CTNNA3: variants seen among roughly 807,000 people sequenced by gnomAD.
CTNNA3 encodes catenin alpha 3, also known as catenin alpha-3.
Under a neutral mutation model 95.7 loss-of-function variants are expected in CTNNA3, and 76 were observed. That is an observed-to-expected ratio of 0.79 (90% confidence interval 0.66 to 0.96). The LOEUF (loss-of-function observed/expected upper bound fraction) is 0.96, where lower values mean the gene tolerates loss of function less well. CTNNA3 is among the 40% of genes least tolerant of loss of function. The probability of loss-of-function intolerance (pLI) is 0.00; values close to 1 mark genes in which losing one functional copy is unlikely to be tolerated. For missense variants in CTNNA3, 1,191 were observed against 1,089.8 expected, an observed-to-expected ratio of 1.09 and a Z score of -1.31; for synonymous variants, 431 against 374.4, an observed-to-expected ratio of 1.15 and a Z score of -1.74.
intron 15 of CTNNA3, among the ~76,000 whole-genome samples, chr10:65,991,568 T>A (rs1312826697): frequency 6.6e-6 from 1 of 151,992 alleles, no homozygotes; most frequent in Non-Finnish European, 1.5e-5. Context: ...TTCAGACTGG[T>A]GTATAAAATG....
chr10:66,299,779 G>T (rs2091834170), intron 12 of CTNNA3, among the ~76,000 whole-genome samples: 1 of 152,114 alleles, frequency 6.6e-6, no homozygotes, highest in South Asian at 2.1e-4. Context: ...AAATCAGATT[G>T]AATATATGCT....
intron 7 of CTNNA3, among the ~76,000 whole-genome samples, chr10:67,142,660 GCAGTGGCTCACACCTGTAAT>G (rs1482071724): frequency 1.3e-5 from 2 of 152,164 alleles, no homozygotes; most frequent in Non-Finnish European, 2.9e-5. Flanking sequence ...AAGGCTGGGC[GCAGTGGCTCACACCTGTAAT>G]CCCAGCACTT....
chr10:66,533,512 A>G (rs150922132), intron 10 of CTNNA3, among the ~76,000 whole-genome samples: 81 of 152,202 alleles, frequency 5.3e-4, no homozygotes, highest in African/African-American at 1.9e-3. Flanking sequence ...TCTTCTCATT[A>G]ACGAGATGTT....
chr10:66,160,069 C>G (rs2084762582), intron 13 of CTNNA3, among the ~76,000 whole-genome samples: 1 of 151,942 alleles, frequency 6.6e-6, no homozygotes, highest in Non-Finnish European at 1.5e-5. Flanking sequence ...TTTCTGTCTT[C>G]TTTTCTTGGT....
At chr10:66,360,790 TTCCTTCCTTC>T (rs2092661589) in intron 12 of CTNNA3, among the ~76,000 whole-genome samples, 2 of 64,572 alleles carry the variant, frequency 3.1e-5, no homozygotes, top group African/African-American at 6.7e-5. Flanking sequence ...TCTTTCTTCC[TTCCTTCCTTC>T]CTTCCTTCCT....
At chr10:66,574,222 T>C (rs1021826122) in intron 10 of CTNNA3, among the ~76,000 whole-genome samples, 1 of 151,824 alleles carries the variant, frequency 6.6e-6, no homozygotes, top group East Asian at 1.9e-4. Flanking sequence ...CGGGGTGCAG[T>C]GGAGGCAGGG....
chr10:66,867,419 T>C lies in CTNNA3; in HGVS notation c.1048-91895A>G, dbSNP rs192603100. Among the ~76,000 whole-genome samples the C allele has an allele frequency of 6.6e-5, 10 of 152,238 alleles. No individual in the cohort carries two copies. The East Asian group carries it at 1.7e-3, about 26-fold the overall frequency. On this transcript the variant is annotated intron_variant, in intron 7 of 17. Transcript: ENST00000433211. The stretch of plus-strand genomic sequence containing the variant: ...CAAGGTTGAAGCTCTTAATTGCATA[T>C]TGTCCTCACATTTGCAAATGGGAAA...
intron 7 of CTNNA3, among the ~76,000 whole-genome samples, chr10:66,859,420 T>C (rs4746642): frequency 0.58 from 87,307 of 150,100 alleles, 26,496 homozygotes; most frequent in African/African-American, 0.64. Context: ...AAAAAATGCT[T>C]ACCATCACTG....
At chr10:66,983,719 A>G (rs1243611719) in intron 7 of CTNNA3, among the ~76,000 whole-genome samples, 3 of 152,220 alleles carry the variant, frequency 2.0e-5, no homozygotes, top group Admixed American at 6.5e-5. Context: ...CTCCACAGCA[A>G]AATAAATTAT....
intron 5 of CTNNA3, among the ~76,000 whole-genome samples, chr10:67,520,175 CAT>C (rs1400501717): frequency 6.6e-6 from 1 of 152,138 alleles, no homozygotes; most frequent in Non-Finnish European, 1.5e-5. Flanking sequence ...TACCATGTGC[CAT>C]ATGCTTTTCA....
intron 6 of CTNNA3, among the ~76,000 whole-genome samples, chr10:67,185,972 G>C (rs1244113135): frequency 6.9e-6 from 1 of 145,654 alleles, no homozygotes; most frequent in East Asian, 2.0e-4. Context: ...GTTGCAGTGA[G>C]CCGAGATCAC....
chr10:66,200,712 A>G (rs1463433667), intron 13 of CTNNA3, among the ~76,000 whole-genome samples: 1 of 152,230 alleles, frequency 6.6e-6, no homozygotes. Flanking sequence ...AAACATGCAT[A>G]TGAATCACAT....
chr10:66,883,955 G>C (rs994568774), intron 7 of CTNNA3, among the ~76,000 whole-genome samples: 1 of 152,012 alleles, frequency 6.6e-6, no homozygotes, highest in Non-Finnish European at 1.5e-5. Flanking sequence ...GATTCTGAAG[G>C]CTTGAAAGTT....
At chr10:66,913,839 A>G (rs1846345865) in intron 7 of CTNNA3, among the ~76,000 whole-genome samples, 1 of 152,112 alleles carries the variant, frequency 6.6e-6, no homozygotes, top group South Asian at 2.1e-4. Flanking sequence ...GCAAATTCAA[A>G]CCTGAAAAGC....
At chr10:65,945,342 C>T (rs925495414) in intron 17 of CTNNA3, among the ~76,000 whole-genome samples, 1 of 152,110 alleles carries the variant, frequency 6.6e-6, no homozygotes, top group Non-Finnish European at 1.5e-5. Context: ...TTTAATTTTA[C>T]GTTAATGACT....
intron 10 of CTNNA3, among the ~76,000 whole-genome samples, chr10:66,606,002 A>C (rs1589485049): frequency 6.6e-6 from 1 of 152,188 alleles, no homozygotes; most frequent in Non-Finnish European, 1.5e-5. Flanking sequence ...TTAAACACAG[A>C]GGGGCAAGCT....
chr10:67,667,275 CACTT>C (rs1213612638), intron 1 of CTNNA3, among the ~76,000 whole-genome samples: 4 of 152,102 alleles, frequency 2.6e-5, no homozygotes, highest in Non-Finnish European at 4.4e-5. Context: ...ACTTAACACT[CACTT>C]AGTGTGGAAA....
intron 10 of CTNNA3, among the ~76,000 whole-genome samples, chr10:66,546,168 C>G (rs1842029456): frequency 6.6e-6 from 1 of 151,516 alleles, no homozygotes; most frequent in Admixed American, 6.6e-5. Flanking sequence ...TTTTCATATC[C>G]CAAGCTTATG....
chr10:67,504,633 A>C (rs747058813), intron 5 of CTNNA3, among the ~76,000 whole-genome samples: 2 of 152,042 alleles, frequency 1.3e-5, no homozygotes, highest in African/African-American at 2.4e-5. Flanking sequence ...GTGGTACCTT[A>C]CTTATCACAC....
Sources: allele counts gnomAD v4.1 joint callset (sites outside exome capture counted in the v4.1 genomes callset), GRCh38; gene constraint gnomAD v4.1.1; transcripts MANE v1.5; gene names NCBI Gene and HGNC (gene_info 2026-07-23, HGNC 2026-07-21).